Variants in KIAA1217 observed in about 807,000 individuals in gnomAD.
KIAA1217 encodes the protein sickle tail protein homolog.
In KIAA1217, 88 loss-of-function variants were observed where a neutral mutation model predicts 163.9. The observed-to-expected ratio is 0.54, with a 90% CI of 0.45 to 0.64. The LOEUF (loss-of-function observed/expected upper bound fraction) is 0.64, where lower values mean the gene tolerates loss of function less well. Ranked by LOEUF, KIAA1217 falls within the 30% of genes least tolerant of loss-of-function variation. The pLI is 0.00. For missense variants in KIAA1217, 2,372 were observed against 2,475.0 expected, an observed-to-expected ratio of 0.96 and a Z score of 0.88; for synonymous variants, 903 against 923.1, an observed-to-expected ratio of 0.98 and a Z score of 0.39.
At chr10:24,396,424 G>A (rs1242755557) in intron 3 of KIAA1217, among the ~76,000 whole-genome samples, 1 of 152,144 alleles carries the variant, frequency 6.6e-6, no homozygotes, top group African/African-American at 2.4e-5. Flanking sequence ...GGCTTCTGGA[G>A]CTTCTGTTCT....
At chr10:23,950,402 A>G (rs1468271074) in intron 1 of KIAA1217, among the ~76,000 whole-genome samples, 1 of 149,110 alleles carries the variant, frequency 6.7e-6, no homozygotes, top group African/African-American at 2.5e-5. Flanking sequence ...TTTTTTTTTT[A>G]TTTTTTTCCC....
At chr10:23,794,700 C>T (rs1370700907) in intron 1 of KIAA1217, among the ~76,000 whole-genome samples, 2 of 152,128 alleles carry the variant, frequency 1.3e-5, no homozygotes, top group Admixed American at 6.5e-5. Context: ...TAAACCTAAC[C>T]TCTATGAAGT....
At chr10:24,382,789 C>T (rs1247387675) in intron 3 of KIAA1217, among the ~76,000 whole-genome samples, 2 of 151,512 alleles carry the variant, frequency 1.3e-5, no homozygotes, top group Admixed American at 6.6e-5. Flanking sequence ...GCTTCCACAC[C>T]GTCACCAGGC....
At chr10:24,039,942 C>G (rs1207599414) in intron 2 of KIAA1217, among the ~76,000 whole-genome samples, 1 of 152,126 alleles carries the variant, frequency 6.6e-6, no homozygotes, top group Non-Finnish European at 1.5e-5. Context: ...GATTTTTCCC[C>G]TTTCCCTTGT....
intron 1 of KIAA1217, among the ~76,000 whole-genome samples, chr10:23,788,125 G>T (rs1399370310): frequency 6.6e-6 from 1 of 152,156 alleles, no homozygotes; most frequent in African/African-American, 2.4e-5. Context: ...TTGAGCCTGG[G>T]AGTTTGAGGC....
chr10:24,205,078 GA>G (rs1464601718), upstream of KIAA1217, among the ~76,000 whole-genome samples: 45 of 152,106 alleles, frequency 3.0e-4, no homozygotes, highest in African/African-American at 1.1e-3. Context: ...TTCTTAATAG[GA>G]TTTAAAGTGA....
rs57872451 is a variant in KIAA1217, at chr10:24,500,184, AGTGT to A, written c.1835-1164_1835-1161del. 5.4e-3 allele frequency among the ~76,000 whole-genome samples: 767 copies of A among 143,192 alleles called. 4 individuals are homozygous for A. The highest frequency in any genetic ancestry group is 0.023 in the South Asian group (99 of 4,302). 93.9% of individuals were successfully genotyped at this position (143,192 alleles called of 152,430 possible). On this transcript the variant is annotated intron_variant, in intron 8 of 20. Coordinates refer to ENST00000376454, the MANE Select transcript of KIAA1217 (RefSeq NM_019590.5). ...TTTACAGGAAAGAGAACTGAACAGA[AGTGT>A]GTGTGTGTGTGTGTGTGTGTGTGTG...
chr10:24,033,681 G>C (rs1464404694), intron 2 of KIAA1217, among the ~76,000 whole-genome samples: 1 of 152,204 alleles, frequency 6.6e-6, no homozygotes, highest in East Asian at 1.9e-4. Flanking sequence ...CATATAGCAG[G>C]TATTGGTCAA....
At chr10:24,476,242 C>A (rs890819012) in intron 6 of KIAA1217, among the ~76,000 whole-genome samples, 2 of 152,186 alleles carry the variant, frequency 1.3e-5, no homozygotes, top group Non-Finnish European at 2.9e-5. Flanking sequence ...CACGCACACA[C>A]AACTTAATGT....
chr10:23,903,027 C>T (rs932194734), intron 1 of KIAA1217, among the ~76,000 whole-genome samples: 1 of 151,984 alleles, frequency 6.6e-6, no homozygotes, highest in Non-Finnish European at 1.5e-5. Flanking sequence ...CCTTTTAGCT[C>T]CTTTGCACTG....
intron 1 of KIAA1217, among the ~76,000 whole-genome samples, chr10:23,909,980 T>C (rs146439711): frequency 0.017 from 2,647 of 152,292 alleles, 46 homozygotes; most frequent in Admixed American, 0.052. Context: ...TTTTGAATGA[T>C]CGCCATTCTA....
intron 1 of KIAA1217, among the ~76,000 whole-genome samples, chr10:23,928,875 T>G (rs1444337597): frequency 6.6e-6 from 1 of 152,216 alleles, no homozygotes. Context: ...TGTGGCCATC[T>G]TACCTGGAGA....
At chr10:24,026,774 AC>A (rs1847971979) in intron 2 of KIAA1217, among the ~76,000 whole-genome samples, 1 of 39,526 alleles carries the variant, frequency 2.5e-5, no homozygotes, top group African/African-American at 1.0e-4. Flanking sequence ...GCTCTTTATT[AC>A]TTTTCTCCTT....
chr10:24,519,002 G>A (rs1440731346), intron 10 of KIAA1217, among the ~76,000 whole-genome samples: 1 of 152,194 alleles, frequency 6.6e-6, no homozygotes. Flanking sequence ...AACACATGTG[G>A]CATCCTGCCT....
intron 2 of KIAA1217, among the ~76,000 whole-genome samples, chr10:24,020,464 C>G (rs1032515387): frequency 6.6e-6 from 1 of 152,054 alleles, no homozygotes; most frequent in African/African-American, 2.4e-5. Flanking sequence ...AAGCAAGAAA[C>G]TTAACGAAGA....
intron 1 of KIAA1217, among the ~76,000 whole-genome samples, chr10:23,955,362 T>A (rs974398575): frequency 9.2e-5 from 14 of 152,232 alleles, no homozygotes; most frequent in African/African-American, 2.9e-4. Context: ...AATACTGGTG[T>A]GGTATTTCCA....
intron 1 of KIAA1217, among the ~76,000 whole-genome samples, chr10:23,989,015 C>A (rs757139927): frequency 7.9e-5 from 12 of 152,154 alleles, no homozygotes; most frequent in Non-Finnish European, 1.5e-4. Context: ...ATTAAAAGCA[C>A]AATTTTCATT....
chr10:24,185,670 C>T (rs2066394341), intron 2 of KIAA1217, among the ~76,000 whole-genome samples: 1 of 152,036 alleles, frequency 6.6e-6, no homozygotes, highest in Admixed American at 6.6e-5. Flanking sequence ...TGGCTTACAC[C>T]CCTAATTGCA....
At chr10:24,515,633 GC>G (rs1343188964) in intron 10 of KIAA1217, among the ~76,000 whole-genome samples, 1 of 152,180 alleles carries the variant, frequency 6.6e-6, no homozygotes, top group Non-Finnish European at 1.5e-5. Flanking sequence ...TAGGAGTATA[GC>G]CCCGAACAGG....
Sources: allele counts gnomAD v4.1 joint callset (sites outside exome capture counted in the v4.1 genomes callset), GRCh38; gene constraint gnomAD v4.1.1; transcripts MANE v1.5; gene names NCBI Gene and HGNC (gene_info 2026-07-23, HGNC 2026-07-21).